Variants in RASGRF2 observed in about 807,000 individuals in gnomAD.
RASGRF2 encodes Ras protein specific guanine nucleotide releasing factor 2.
RASGRF2 carries 76 observed loss-of-function variants against 151.0 expected under a neutral mutation model. The observed-to-expected ratio is 0.50, with a 90% CI of 0.42 to 0.61. RASGRF2 has a LOEUF of 0.61. Among genes scored for constraint, RASGRF2 ranks in the 20% least tolerant of loss-of-function variants. The pLI, the probability that RASGRF2 is intolerant of heterozygous loss-of-function variation, is 0.00. For missense variants in RASGRF2, 1,148 were observed against 1,564.6 expected (o/e 0.73, Z 4.49); for synonymous variants, 504 against 566.5 (o/e 0.89, Z 1.57).
At chr5:80,983,897 G>A (rs1392005609) in intron 1 of RASGRF2, among the ~76,000 whole-genome samples, 2 of 152,068 alleles carry the variant, frequency 1.3e-5, no homozygotes, top group Admixed American at 6.5e-5. Context: ...TCTTTTTCAT[G>A]TGGCCACTAG....
intron 1 of RASGRF2, among the ~76,000 whole-genome samples, chr5:81,033,614 G>T (rs1301220023): frequency 2.7e-5 from 4 of 149,836 alleles, no homozygotes; most frequent in Non-Finnish European, 5.9e-5. Context: ...GCTGAAACTG[G>T]ATCCCTTCCT....
intron 1 of RASGRF2, among the ~76,000 whole-genome samples, chr5:81,016,146 T>C (rs1749629964): frequency 6.6e-6 from 1 of 152,100 alleles, no homozygotes; most frequent in South Asian, 2.1e-4. Context: ...ATCATATAGA[T>C]CAAATGTTAT....
intron 5 of RASGRF2, among the ~76,000 whole-genome samples, chr5:81,078,213 A>G (rs1056719864): frequency 3.3e-5 from 5 of 152,208 alleles, no homozygotes; most frequent in African/African-American, 9.7e-5. Flanking sequence ...GGTAATTGAG[A>G]TATCCGTCAC....
chr5:81,058,377 A>G (rs1047806009), intron 2 of RASGRF2, among the ~76,000 whole-genome samples: 4 of 152,232 alleles, frequency 2.6e-5, no homozygotes, highest in Non-Finnish European at 5.9e-5. Context: ...GTAGAATAGA[A>G]ATGCCAGTGG....
rs138495312 is a variant in RASGRF2, at chr5:80,988,303, G to A, written c.288+27277G>A. Among the ~76,000 whole-genome samples the A allele has an allele frequency of 7.7e-3, 1,166 of 151,848 alleles. 14 individuals carry two copies. Among genetic ancestry groups the A allele is most frequent in the African/African-American group, 0.027 (1,137 of 41,380 alleles). On this transcript the variant is annotated intron_variant, in intron 1 of 26. Coordinates refer to ENST00000265080, the MANE Select transcript of RASGRF2 (RefSeq NM_006909.3). ...TGGGCTGAAGTGATCCCCATGCCTC[G>A]GCCTCCCAAAGTGCTGGGATTACAG... is the stretch of plus-strand genomic sequence containing the variant.
chr5:81,057,312 T>C (rs1477860807), intron 2 of RASGRF2, among the ~76,000 whole-genome samples: 3 of 152,102 alleles, frequency 2.0e-5, no homozygotes, highest in African/African-American at 7.2e-5. Context: ...TTCATTTGGG[T>C]TTTGCTGTAG....
intron 9 of RASGRF2, among the ~76,000 whole-genome samples, chr5:81,089,127 C>A (rs2112493956): frequency 6.6e-6 from 1 of 152,244 alleles, no homozygotes; most frequent in South Asian, 2.1e-4. Context: ...GGAAAGTTTG[C>A]ATTGTTTTGC....
chr5:81,149,294 T>C (rs539258887), intron 17 of RASGRF2, among the ~76,000 whole-genome samples: 13 of 152,336 alleles, frequency 8.5e-5, no homozygotes, highest in African/African-American at 2.6e-4. Flanking sequence ...AAACTACTTA[T>C]GCATAAAACA....
At chr5:81,039,011 A>G (rs1390752396) in intron 1 of RASGRF2, among the ~76,000 whole-genome samples, 2 of 152,180 alleles carry the variant, frequency 1.3e-5, no homozygotes, top group Non-Finnish European at 2.9e-5. Context: ...AACATTTTCA[A>G]TCTTTTTTTA....
In RASGRF2 at chr5:80,961,489, G is replaced by C. The variant is rs76859457; in HGVS notation, c.288+463G>C. Reference sequence around the variant, plus strand: ...GCCTGCAGATGTTTGACCACTGGTTGGGCTGGGAACAAGCGGGGCTCCCAA... The same window carrying C: ...GCCTGCAGATGTTTGACCACTGGTTCGGCTGGGAACAAGCGGGGCTCCCAA... On this transcript the variant is annotated intron_variant, in intron 1 of 26. Transcript: ENST00000265080. Among the ~76,000 whole-genome samples the C allele has an allele frequency of 8.7e-3, 1,330 of 152,308 alleles. 38 individuals carry two copies. The East Asian group carries it at 0.1, about 12-fold the overall frequency.
At chr5:80,987,495 C>A (rs1374475799) in intron 1 of RASGRF2, among the ~76,000 whole-genome samples, 1 of 152,136 alleles carries the variant, frequency 6.6e-6, no homozygotes, top group Non-Finnish European at 1.5e-5. Flanking sequence ...CATGAAAAGA[C>A]AATTTTTGGA....
chr5:81,111,253 T>C (rs1045738910), intron 13 of RASGRF2, among the ~76,000 whole-genome samples: 4 of 152,180 alleles, frequency 2.6e-5, no homozygotes, highest in Admixed American at 2.6e-4. Flanking sequence ...CAGGACTTCA[T>C]TGATCGCCGG....
At chr5:80,966,083 T>TTGTGTGTG (rs70994407) in intron 1 of RASGRF2, among the ~76,000 whole-genome samples, 4 of 149,638 alleles carry the variant, frequency 2.7e-5, no homozygotes, top group African/African-American at 9.8e-5. Context: ...GGATATATGT[T>TTGTGTGTG]TGTGTGTGTG....
At chr5:81,119,693 A>G (rs1753252646) in intron 15 of RASGRF2, among the ~76,000 whole-genome samples, 1 of 152,236 alleles carries the variant, frequency 6.6e-6, no homozygotes, top group Non-Finnish European at 1.5e-5. Context: ...GTCATGTGGC[A>G]GCACTGATCA....
chr5:81,175,742 C>T (rs1167965356), intron 17 of RASGRF2, among the ~76,000 whole-genome samples: 7 of 121,010 alleles, frequency 5.8e-5, no homozygotes, highest in Admixed American at 3.2e-4. Context: ...GCAACTAGAG[C>T]GAAACTCCGT....
intron 1 of RASGRF2, among the ~76,000 whole-genome samples, chr5:81,015,645 A>G (rs1444559692): frequency 6.6e-6 from 1 of 151,320 alleles, no homozygotes; most frequent in Non-Finnish European, 1.5e-5. Context: ...AAACCTCTTC[A>G]TATATTAAAT....
chr5:81,203,087 C>A (rs1580403501), intron 19 of RASGRF2, among the ~76,000 whole-genome samples: 1 of 152,346 alleles, frequency 6.6e-6, no homozygotes, highest in East Asian at 1.9e-4. Flanking sequence ...GATTCCACTA[C>A]TGTGTCTGTT....
At position 81,087,066 on chromosome 5, in the gene RASGRF2, A is replaced by AC. The variant is rs200083229; in HGVS notation, c.1390+120dup. 500 of 983,714 alleles carry AC rather than the reference A, an allele frequency of 5.1e-4. 3 individuals are homozygous for AC. The East Asian group carries it at 8.3e-3, about 16-fold the overall frequency. 60.9% of individuals were successfully genotyped at this position (983,714 alleles called of 1,614,324 possible). On this transcript the variant is annotated intron_variant, in intron 9 of 26. Transcript: ENST00000265080. ...GCGTGACGGGTGCGGTGCCCGAAGG[A>AC]CCCCCCCACGGCCTTCGCCGAGGCG...
intron 19 of RASGRF2, 149 bp downstream of exon 19, chr5:81,201,591 G>A: frequency 2.2e-6 from 2 of 921,850 alleles, no homozygotes; most frequent in Non-Finnish European, 3.1e-6. Context: ...TCTCTTTCCT[G>A]GGGGCAATTT....
Sources: gnomAD v4.1 joint callset for allele counts (sites outside exome capture counted in the v4.1 genomes callset) on GRCh38, gnomAD v4.1.1 for gene constraint, MANE v1.5 for transcripts, NCBI Gene and HGNC (gene_info 2026-07-23, HGNC 2026-07-21) for gene names.